Variants in DZIP1L observed in about 807,000 individuals in gnomAD.
DZIP1L encodes cilium assembly protein DZIP1L.
A neutral mutation model predicts 88.7 loss-of-function variants in DZIP1L; 90 were observed. That is an observed-to-expected ratio of 1.02 (90% CI 0.86 to 1.21). The LOEUF (loss-of-function observed/expected upper bound fraction) is 1.21, where lower values mean the gene tolerates loss of function less well. Ranked by LOEUF, DZIP1L falls within the 50% of genes most tolerant of loss-of-function variation. The pLI is 0.00. For missense variants in DZIP1L, 932 were observed against 955.8 expected, an observed-to-expected ratio of 0.98 and a Z score of 0.33; for synonymous variants, 363 against 372.1, an observed-to-expected ratio of 0.98 and a Z score of 0.28.
intron 14 of DZIP1L, among the ~76,000 whole-genome samples, chr3:138,066,873 C>T (rs887304762): frequency 2.6e-5 from 4 of 152,102 alleles, no homozygotes; most frequent in Non-Finnish European, 4.4e-5. Flanking sequence ...TGGGCCACGG[C>T]GCACCTGAAG....
At position 138,062,191 on chromosome 3, in the gene DZIP1L, C is replaced by T. The variant is rs964177242; in HGVS notation, c.*625G>A. On this transcript the variant is annotated 3_prime_UTR_variant, in exon 16 of 16. Transcript: ENST00000327532. ...GAGTAGGCCTGCCACATATCACAAC[C>T]CTGGGAAACTCTCCAGGATCACCCA... The T allele has an allele frequency of 1.3e-5, 2 of 152,442 alleles. No individual in the cohort carries two copies. Among genetic ancestry groups the T allele is most frequent in the African/African-American group, 2.4e-5 (1 of 41,430 alleles). The allele number at this position is 152,442 out of a possible 1,614,324, so 9.4% of individuals were successfully genotyped here. A position where few individuals can be genotyped will look rare whatever the true frequency, so the allele number is the denominator to read the frequency against.
rs145825367 is a variant in DZIP1L, at chr3:138,068,165, C to T, written c.1818G>A (p.Ser606=). 2.3e-5 allele frequency: 34 copies of T among 1,510,020 alleles called. No individual in the cohort carries two copies. Among genetic ancestry groups the T allele is most frequent in the Admixed American group, 1.1e-4 (5 of 46,972 alleles). The allele number at this position is 1,510,020 out of a possible 1,614,324, so 93.5% of individuals were successfully genotyped here. The change falls in exon 13 of 16, where the codon TCG becomes TCA. Residue 606 remains serine (S), a synonymous_variant. Transcript: ENST00000327532. ...CTGGGGCTCACCTCATCCCGGGCCC[C>T]GAGGAAGGAGGGGTGCTGGAGGGTC... The part of the protein sequence containing the change: ...LHGPSSTPPS[S]GPGMSTPPFS...
chr3:138,072,991 ATC>A (rs1943250364), intron 11 of DZIP1L, among the ~76,000 whole-genome samples: 1 of 152,140 alleles, frequency 6.6e-6, no homozygotes, highest in African/African-American at 2.4e-5. Context: ...ACACACCCTC[ATC>A]CCCAACAGTA....
At chr3:138,095,100 C>T (rs114923667) in intron 3 of DZIP1L, 117 bp from the exon 4 acceptor site, 100 of 1,480,178 alleles carry the variant, frequency 6.8e-5, no homozygotes, top group Non-Finnish European at 9.1e-5. Context: ...CTACTTAGTA[C>T]GTTGACATTG....
At chr3:138,064,793 C>T in intron 14 of DZIP1L, 26 bp from the exon 15 acceptor site, 2 of 1,545,152 alleles carry the variant, frequency 1.3e-6, no homozygotes, top group Non-Finnish European at 1.7e-6. Flanking sequence ...GTGGCTGTGT[C>T]AGTGGGAGAA....
At chr3:138,069,292 A>T in intron 12 of DZIP1L, 1 of 460,384 alleles carries the variant, frequency 2.2e-6, no homozygotes, top group Non-Finnish European at 3.9e-6. Flanking sequence ...AGCTTACTTT[A>T]TTGTAATAAT....
rs549906925 is a variant in DZIP1L at position 138,102,943 on chromosome 3, G to A, written c.501+528C>T. 2.1e-4 allele frequency: 110 copies of A among 533,082 alleles called. 1 individual carries two copies. Among genetic ancestry groups the A allele is most frequent in the Non-Finnish European group, 3.2e-4 (95 of 294,936 alleles). 33.0% of individuals were successfully genotyped at this position (533,082 alleles called of 1,614,324 possible). A position where few individuals can be genotyped will look rare whatever the true frequency, so the allele number is the denominator to read the frequency against. The stretch of plus-strand genomic sequence containing the variant: ...GGTGGAAGCAGGAGTGGAGGCAGGT[G>A]GGCTGAACCAGGCGGAGATTCCAGA... On this transcript the variant is annotated intron_variant, in intron 2 of 15. Coordinates refer to ENST00000327532, the MANE Select transcript of DZIP1L (RefSeq NM_173543.3).
chr3:138,071,864 G>T, intron 11 of DZIP1L, 29 bp from the exon 12 acceptor site: 4 of 1,586,132 alleles, frequency 2.5e-6, no homozygotes, highest in Non-Finnish European at 3.4e-6. Flanking sequence ...CACCTTTACA[G>T]AGAGAGGCTA....
At chr3:138,102,712 T>C in intron 2 of DZIP1L, 3 of 845,328 alleles carry the variant, frequency 3.5e-6, no homozygotes, top group South Asian at 1.3e-5. Context: ...CAGGCTCTGG[T>C]TGACAGTGAT....
At position 138,086,983 on chromosome 3, in the gene DZIP1L, T is replaced by C. The variant is rs1308958125; in HGVS notation, c.1040A>G (p.Glu347Gly). ...WKRKVKELHEEHMAEKKELQE... is the reference protein window; with the variant it reads ...WKRKVKELHEGHMAEKKELQE... The stretch of plus-strand genomic sequence containing the variant: ...TACCTCTTTCTTCTCAGCCATGTGC[T>C]CTTCATGCAGTTCCTTCACTTTTCT... Residue 347 changes from glutamate to glycine, a missense_variant, in exon 7 of 16, where the codon GAG becomes GGG. Glu to Gly is a moderately conservative substitution (Grantham distance 98, BLOSUM62 -2). Transcript: ENST00000327532. 1 of 1,614,098 alleles carries C rather than the reference T, an allele frequency of 6.2e-7. No homozygotes were observed. Among genetic ancestry groups the C allele is most frequent in the Non-Finnish European group, 8.5e-7 (1 of 1,180,002 alleles).
intron 8 of DZIP1L, among the ~76,000 whole-genome samples, chr3:138,083,478 G>A (rs1367218640): frequency 6.6e-6 from 1 of 152,176 alleles, no homozygotes; most frequent in Non-Finnish European, 1.5e-5. Context: ...ACTCAGCCTC[G>A]ACTGGGCAGA....
chr3:138,092,436 AT>A lies in DZIP1L; in HGVS notation c.816del (p.Lys272AsnfsTer17). The stretch of plus-strand genomic sequence containing the variant: ...ACATTTTTAAATTCATCCCAAAATA[AT>A]TTTTTTAGTTTATCTATTTCCCCAT... ...KLYGEIDKLK[K>X]LFWDEFKNVA... On this transcript the variant is annotated frameshift_variant, in exon 5 of 16. Transcript: ENST00000327532. LOFTEE classifies it high-confidence loss of function. The A allele has an allele frequency of 6.2e-7, 1 of 1,606,424 alleles. No homozygotes were observed. The highest frequency in any genetic ancestry group is 8.5e-7 in the Non-Finnish European group (1 of 1,177,178).
At chr3:138,091,939 G>A (rs1478610413) in intron 5 of DZIP1L, among the ~76,000 whole-genome samples, 1 of 152,112 alleles carries the variant, frequency 6.6e-6, no homozygotes, top group Non-Finnish European at 1.5e-5. Context: ...AGTATTCAGG[G>A]AATATTTGTT....
chr3:138,064,627 C>A lies in DZIP1L; in HGVS notation c.2142+1G>T. 6.2e-7 allele frequency: 1 copy of A among 1,614,176 alleles called. No homozygotes were observed. The highest frequency in any genetic ancestry group is 8.5e-7 in the Non-Finnish European group (1 of 1,180,030). ...TAAACTCTAAGCATCCTACATCCTA[C>A]CTGAGGCTTCCTTCCTGGTGTGGCA... is the stretch of plus-strand genomic sequence containing the variant. On this transcript the variant is annotated splice_donor_variant, in intron 15 of 15. Coordinates refer to ENST00000327532, the MANE Select transcript of DZIP1L (RefSeq NM_173543.3). LOFTEE classifies it high-confidence loss of function.
At position 138,067,645 on chromosome 3, in the gene DZIP1L, A is replaced by G; in HGVS notation, c.1888T>C (p.Ser630Pro). ...DSEGDRVQRV[S>P]LQPPKVPSRM... Reference sequence around the variant, plus strand: ...GAAGGAACTTTTGGGGGCTGTAGAGACACACGCTGCACACGGTCTCCCTCT... The same window carrying G: ...GAAGGAACTTTTGGGGGCTGTAGAGGCACACGCTGCACACGGTCTCCCTCT... Residue 630 changes from serine to proline, a missense_variant, in exon 14 of 16, where the codon TCT becomes CCT. Ser to Pro is a moderately conservative substitution (Grantham distance 74, BLOSUM62 -1). Transcript: ENST00000327532. 6.2e-7 allele frequency: 1 copy of G among 1,610,012 alleles called. No individual in the cohort carries two copies. Among genetic ancestry groups the G allele is most frequent in the Non-Finnish European group, 8.5e-7 (1 of 1,178,130 alleles).
chr3:138,114,384 T>C (rs867581750), intron 1 of DZIP1L, among the ~76,000 whole-genome samples: 2 of 152,258 alleles, frequency 1.3e-5, no homozygotes, highest in Middle Eastern at 3.4e-3. Context: ...TCAAGTTAGA[T>C]AGTATCAAAA....
chr3:138,068,408 G>A, intron 12 of DZIP1L, 41 bp from the exon 13 acceptor site: 1 of 1,420,870 alleles, frequency 7.0e-7, no homozygotes, highest in Non-Finnish European at 9.4e-7. Flanking sequence ...GTACACCCAT[G>A]CTGGATCTCA....
chr3:138,107,075 G>A (rs2042517106), intron 1 of DZIP1L, among the ~76,000 whole-genome samples: 3 of 152,174 alleles, frequency 2.0e-5, no homozygotes, highest in Admixed American at 2.0e-4. Flanking sequence ...CTCTGTGCTA[G>A]ATACAAACTC....
intron 11 of DZIP1L, among the ~76,000 whole-genome samples, chr3:138,077,107 T>C (rs1000266483): frequency 6.6e-6 from 1 of 151,778 alleles, no homozygotes; most frequent in African/African-American, 2.4e-5. Context: ...CACAGCCACA[T>C]GTACCACAGA....
Sources: allele counts gnomAD v4.1 joint callset (sites outside exome capture counted in the v4.1 genomes callset), GRCh38; gene constraint gnomAD v4.1.1; transcripts MANE v1.5; gene names NCBI Gene and HGNC (gene_info 2026-07-23, HGNC 2026-07-21).